IL17REL: variants seen among roughly 807,000 people sequenced by gnomAD.
IL17REL encodes interleukin-17 receptor E-like protein.
A neutral mutation model predicts 49.0 loss-of-function variants in IL17REL; 36 were observed. The ratio of observed to expected loss-of-function variants is 0.73; its 90% CI spans 0.56 to 0.97. The LOEUF (loss-of-function observed/expected upper bound fraction) is 0.97. Ranked by LOEUF, IL17REL falls within the 50% of genes least tolerant of loss-of-function variation. The pLI, the probability that IL17REL is intolerant of heterozygous loss-of-function variation, is 0.00. For synonymous variants in IL17REL, 206 were observed against 192.4 expected, an observed-to-expected ratio of 1.07 and a Z score of -0.58; for missense variants, 470 against 453.9, an observed-to-expected ratio of 1.04 and a Z score of -0.32.
At chr22:50,006,338 C>A (rs1035836737) in intron 1 of IL17REL, among the ~76,000 whole-genome samples, 5 of 152,080 alleles carry the variant, frequency 3.3e-5, no homozygotes, top group African/African-American at 1.2e-4. Context: ...CTGGTTTAAA[C>A]GGCCCCGACA....
intron 10 of IL17REL, 33 bp downstream of exon 12, chr22:49,997,652 G>T: frequency 1.3e-6 from 2 of 1,595,878 alleles, no homozygotes; most frequent in Non-Finnish European, 1.7e-6. Context: ...TCTGTGCTGC[G>T]TCCACATTGC....
At chr22:50,006,930 G>A (rs117552742) in intron 1 of IL17REL, among the ~76,000 whole-genome samples, 2,931 of 149,364 alleles carry the variant, frequency 0.02, 57 homozygotes, top group South Asian at 0.036. Context: ...ACTTCAGCGT[G>A]GGCAAAACAG....
chr22:49,999,547 G>T (rs7290572), intron 5 of IL17REL, 45 bp from the exon 8 acceptor site: 463,073 of 1,454,106 alleles, frequency 0.32, 75,686 homozygotes, highest in Middle Eastern at 0.44. Flanking sequence ...GGGAGGGCGG[G>T]GGTGGTCTGG....
chr22:50,007,421 A>G (rs2061115913), intron 1 of IL17REL, among the ~76,000 whole-genome samples: 1 of 152,122 alleles, frequency 6.6e-6, no homozygotes. Context: ...CCCAGGCTGG[A>G]GTGCAATGGT....
At position 49,999,157 on chromosome 22, in the gene IL17REL, C is replaced by G. The variant is rs561432969; in HGVS notation, c.601+134G>C. 8.4e-6 allele frequency: 9 copies of G among 1,074,812 alleles called. No homozygotes were observed. The African/African-American group carries it at 1.1e-4, about 13-fold the overall frequency. 66.6% of individuals were successfully genotyped at this position (1,074,812 alleles called of 1,614,324 possible). On this transcript the variant is annotated intron_variant, in intron 7 of 12. Transcript: ENST00000341280. ...GTGCGCAGGTTCCCTTGGTGACAAGCCCTTCCGAGCAGGCTCAGGGATTTA... is the reference window on the plus strand; with the variant it reads ...GTGCGCAGGTTCCCTTGGTGACAAGGCCTTCCGAGCAGGCTCAGGGATTTA...
rs745794027 is a variant in IL17REL, at chr22:49,997,531, G to A, written c.878-115C>T. On this transcript the variant is annotated intron_variant, in intron 10 of 12. Coordinates refer to ENST00000341280, the Ensembl canonical transcript of IL17REL. ...CCCCCATCCGGCCCAGCACCCCACC[G>A]CCTCCCTTCCTTCCCCAGTGGGCCT... 2.9e-4 allele frequency: 391 copies of A among 1,336,074 alleles called. No homozygotes were observed. The highest frequency in any genetic ancestry group is 3.9e-4 in the Non-Finnish European group (367 of 945,980). 82.8% of individuals were successfully genotyped at this position (1,336,074 alleles called of 1,614,324 possible). A position where few individuals can be genotyped will look rare whatever the true frequency, so the allele number is the denominator to read the frequency against.
At chr22:49,998,577 A>T (rs905913999) in intron 7 of IL17REL, among the ~76,000 whole-genome samples, 2 of 140,968 alleles carry the variant, frequency 1.4e-5, no homozygotes, top group African/African-American at 5.5e-5. Flanking sequence ...CTGCCTGTGC[A>T]TGGGTGTGTG....
At chr22:50,005,335 C>T (rs1293145615) in intron 1 of IL17REL, among the ~76,000 whole-genome samples, 1 of 152,120 alleles carries the variant, frequency 6.6e-6, no homozygotes, top group Non-Finnish European at 1.5e-5. Flanking sequence ...CAGAGTCTTA[C>T]TGAAAAAACG....
At chr22:50,004,240 G>A (rs774401648) in intron 1 of IL17REL, among the ~76,000 whole-genome samples, 34 of 152,014 alleles carry the variant, frequency 2.2e-4, no homozygotes, top group Non-Finnish European at 3.1e-4. Flanking sequence ...CACCACACCC[G>A]ACTAATTTTT....
At position 49,999,424 on chromosome 22, in the gene IL17REL, C is replaced by T. The variant is rs1202630705; in HGVS notation, c.546+7G>A. 1 of 1,612,414 alleles carries T rather than the reference C, an allele frequency of 6.2e-7. No individual in the cohort carries two copies. The highest frequency in any genetic ancestry group is 8.5e-7 in the Non-Finnish European group (1 of 1,179,830). Reference sequence around the variant, plus strand: ...CCGCCCCAAGTCCAGGCCACACCTCCACCGACCTCCAGGCACAGGCACGGC... The same window carrying T: ...CCGCCCCAAGTCCAGGCCACACCTCTACCGACCTCCAGGCACAGGCACGGC... On this transcript the variant is annotated splice_region_variant and intron_variant, in intron 6 of 12. Transcript: ENST00000341280.
chr22:49,996,935 G>A (rs2061038746), intron 12 of IL17REL, 59 bp downstream of exon 14: 2 of 848,072 alleles, frequency 2.4e-6, no homozygotes, highest in African/African-American at 3.5e-5. Flanking sequence ...GGGGGGGTGT[G>A]AACTGAGGTC....
chr22:50,012,316 G>A (rs536282013), upstream of IL17REL, among the ~76,000 whole-genome samples: 8 of 152,204 alleles, frequency 5.3e-5, no homozygotes, highest in East Asian at 1.9e-4. Context: ...AGGTGGGTCC[G>A]AGGTGGGCTC....
At chr22:50,000,985 C>G in intron 2 of IL17REL, 97 bp downstream of exon 3, 1 of 1,272,400 alleles carries the variant, frequency 7.9e-7, no homozygotes, top group Non-Finnish European at 1.1e-6. Context: ...GCCCCCCTCC[C>G]TCACCAGGCC....
In IL17REL at chr22:49,997,782, T is replaced by C. The variant is rs200203168; in HGVS notation, c.820-40A>G. 322 of 1,601,266 alleles carry C rather than the reference T, an allele frequency of 2.0e-4. 1 individual carries two copies. The African/African-American group carries it at 3.3e-3, about 16-fold the overall frequency. On this transcript the variant is annotated intron_variant, in intron 9 of 12. Coordinates refer to ENST00000341280, the Ensembl canonical transcript of IL17REL. ...GAGGGGTGCAGGAGGGTGGAGTGTG[T>C]GTGAGGCAGGGGCAGGGACAGGGGC... is the stretch of plus-strand genomic sequence containing the variant.
downstream of IL17REL, among the ~76,000 whole-genome samples, chr22:49,992,787 T>C (rs1185130307): frequency 6.6e-6 from 1 of 152,064 alleles, no homozygotes; most frequent in Admixed American, 6.5e-5. Flanking sequence ...CTGGTTAATT[T>C]TTGTATTTTT....
At chr22:49,998,561 G>A (rs1264857747) in intron 7 of IL17REL, among the ~76,000 whole-genome samples, 1 of 150,964 alleles carries the variant, frequency 6.6e-6, no homozygotes, top group East Asian at 2.0e-4. Flanking sequence ...GTGTGCGTGA[G>A]TGTGCCTGCC....
At chr22:50,011,001 G>T (rs1398376551), upstream of IL17REL, among the ~76,000 whole-genome samples, 3 of 114,288 alleles carry the variant, frequency 2.6e-5, no homozygotes, top group African/African-American at 3.8e-5. Flanking sequence ...TCACCCGCGC[G>T]GGTCCCCCCC....
intron 1 of IL17REL, among the ~76,000 whole-genome samples, chr22:50,001,519 A>G (rs1253838905): frequency 6.6e-6 from 1 of 152,206 alleles, no homozygotes; most frequent in Admixed American, 6.5e-5. Context: ...CCACCTGGCC[A>G]GCAAGGGGGC....
chr22:50,010,978 C>A (rs1200070947), upstream of IL17REL, among the ~76,000 whole-genome samples: 2 of 151,160 alleles, frequency 1.3e-5, no homozygotes, highest in Admixed American at 6.6e-5. Flanking sequence ...GCATGCGGCC[C>A]AGCCTCCCGC....
Sources: allele counts gnomAD v4.1 joint callset (sites outside exome capture counted in the v4.1 genomes callset), GRCh38; gene constraint gnomAD v4.1.1; transcripts MANE v1.5; gene names NCBI Gene and HGNC (gene_info 2026-07-23, HGNC 2026-07-21).